PPFIBP1: variants seen among roughly 807,000 people sequenced by gnomAD.
PPFIBP1 encodes PPFIB scaffold protein 1.
PPFIBP1 carries 112 observed loss-of-function variants against 137.8 expected under a neutral mutation model. That is an observed-to-expected ratio of 0.81 (90% CI 0.70 to 0.95). The LOEUF (loss-of-function observed/expected upper bound fraction) is 0.95, where lower values mean the gene tolerates loss of function less well. PPFIBP1 is among the 40% of genes least tolerant of loss of function. The pLI is 0.00. For missense variants in PPFIBP1, 1,083 were observed against 1,196.6 expected, an observed-to-expected ratio of 0.91 and a Z score of 1.40; for synonymous variants, 378 against 417.3, an observed-to-expected ratio of 0.91 and a Z score of 1.15.
Position 27,679,948 on chromosome 12 carries a change from A to G in PPFIBP1, c.1782A>G (p.Gln594=), listed in dbSNP as rs779754944. 2.4e-5 allele frequency: 38 copies of G among 1,614,036 alleles called. No individual in the cohort carries two copies. The highest frequency in any genetic ancestry group is 2.0e-4 in the East Asian group (9 of 44,902). ...TCTTCTTTAGACTTAGGAGAAGTCAATCAACTACATTCAACCCAGATGACA... is the reference window on the plus strand; with the variant it reads ...TCTTCTTTAGACTTAGGAGAAGTCAGTCAACTACATTCAACCCAGATGACA... ...MKLFGKLRRS[Q]STTFNPDDMS... is the part of the protein sequence containing the mutation. Residue 594 remains glutamine, a synonymous_variant, in exon 21 of 30, where the codon CAA becomes CAG. Transcript: ENST00000228425.
At chr12:27,572,557 A>G (rs1173243621) in intron 1 of PPFIBP1, among the ~76,000 whole-genome samples, 1 of 152,230 alleles carries the variant, frequency 6.6e-6, no homozygotes, top group African/African-American at 2.4e-5. Flanking sequence ...TTAATTTAAA[A>G]ACATGTGGGC....
intron 1 of PPFIBP1, among the ~76,000 whole-genome samples, chr12:27,561,097 CAT>C (rs747458069): frequency 1.8e-4 from 28 of 152,112 alleles, no homozygotes; most frequent in Non-Finnish European, 3.8e-4. Flanking sequence ...GTATACCTAA[CAT>C]AGTGGGGTAT....
intron 1 of PPFIBP1, among the ~76,000 whole-genome samples, chr12:27,544,422 A>G (rs1401749042): frequency 1.3e-5 from 2 of 152,274 alleles, no homozygotes; most frequent in African/African-American, 2.4e-5. Flanking sequence ...TCTTCCGTAC[A>G]GCAAAATAAA....
chr12:27,558,038 T>C (rs11049045), intron 1 of PPFIBP1, among the ~76,000 whole-genome samples: 55,846 of 152,030 alleles, frequency 0.37, 11,078 homozygotes, highest in African/African-American at 0.51. Context: ...AACATAGCCT[T>C]ATCGTACTCC....
intron 2 of PPFIBP1, among the ~76,000 whole-genome samples, chr12:27,595,241 C>T (rs956155452): frequency 1.2e-4 from 18 of 152,216 alleles, no homozygotes; most frequent in Admixed American, 5.9e-4. Flanking sequence ...TGCACACGCG[C>T]GCGCGCACAA....
At chr12:27,540,137 A>C (rs1282527457) in intron 1 of PPFIBP1, among the ~76,000 whole-genome samples, 1 of 150,986 alleles carries the variant, frequency 6.6e-6, no homozygotes, top group Non-Finnish European at 1.5e-5. Flanking sequence ...AGCTTACTGC[A>C]GCCTCAAAAT....
At chr12:27,670,791 A>T (rs5020613) in intron 13 of PPFIBP1, among the ~76,000 whole-genome samples, 135,724 of 138,674 alleles carry the variant, frequency 0.98, 66,417 homozygotes, top group East Asian at 1. Flanking sequence ...AAAAAAAAAA[A>T]AAAAATAATA....
intron 2 of PPFIBP1, among the ~76,000 whole-genome samples, chr12:27,599,087 A>C (rs1012994971): frequency 3.3e-5 from 5 of 152,206 alleles, no homozygotes; most frequent in African/African-American, 4.8e-5. Context: ...GGAAGTTTCT[A>C]ATTTGGAAGT....
intron 1 of PPFIBP1, among the ~76,000 whole-genome samples, chr12:27,536,238 T>C (rs1413030697): frequency 1.3e-5 from 2 of 152,152 alleles, no homozygotes; most frequent in African/African-American, 2.4e-5. Flanking sequence ...ACTGTGTGAA[T>C]AGAGAGGCCA....
intron 2 of PPFIBP1, among the ~76,000 whole-genome samples, chr12:27,585,857 G>A (rs1250724862): frequency 1.3e-5 from 2 of 152,176 alleles, no homozygotes; most frequent in African/African-American, 2.4e-5. Context: ...AAGCATTGGA[G>A]CACGAAGGTA....
Position 27,633,369 on chromosome 12 carries a change from T to C in PPFIBP1, c.-28T>C. 6.2e-7 allele frequency: 1 copy of C among 1,611,134 alleles called. No individual in the cohort carries two copies. The highest frequency in any genetic ancestry group is 8.5e-7 in the Non-Finnish European group (1 of 1,177,580). On this transcript the variant is annotated 5_prime_UTR_variant, in exon 3 of 30. Coordinates refer to ENST00000228425, the MANE Select transcript of PPFIBP1 (RefSeq NM_003622.4). ...AACCTTATTTTTTTTCAGATCTGGG[T>C]TGGAATTTGCCCCTGACAAATAATA...
intron 2 of PPFIBP1, among the ~76,000 whole-genome samples, chr12:27,587,242 G>C (rs2051875220): frequency 6.6e-6 from 1 of 152,140 alleles, no homozygotes; most frequent in Admixed American, 6.6e-5. Flanking sequence ...GAATTGTCCA[G>C]TTTACATCAC....
At chr12:27,689,812 C>T (rs928304727) in intron 27 of PPFIBP1, among the ~76,000 whole-genome samples, 22 of 152,246 alleles carry the variant, frequency 1.4e-4, no homozygotes, top group African/African-American at 3.6e-4. Flanking sequence ...TCCCGCCGCC[C>T]CAGGAAGGTT....
rs2053557479 is a variant in PPFIBP1 at position 27,598,321 on chromosome 12, A to AAG, written c.-36+20091_-36+20092dup. ...AGTCACATCTTACATGGTGGCAGGCAAGAGAGAGAGCATGTGCAGGGGAAC... is the reference window on the plus strand; with the variant it reads ...AGTCACATCTTACATGGTGGCAGGCAAGAGAGAGAGAGCATGTGCAGGGGAAC... On this transcript the variant is annotated intron_variant, in intron 2 of 29. Transcript: ENST00000228425. Among the ~76,000 whole-genome samples, 6 of 152,288 alleles carry AAG rather than the reference A, an allele frequency of 3.9e-5. No individual in the cohort carries two copies. The South Asian group carries it at 1.2e-3, about 32-fold the overall frequency.
chr12:27,654,881 A>G (rs1414077580), intron 8 of PPFIBP1, 67 bp downstream of exon 8: 1 of 1,510,598 alleles, frequency 6.6e-7, no homozygotes, highest in Non-Finnish European at 8.8e-7. Flanking sequence ...GCCCAATAAT[A>G]TAAATAAGAT....
intron 12 of PPFIBP1, 122 bp downstream of exon 12, chr12:27,664,568 G>A (rs757770708): frequency 7.8e-5 from 52 of 666,498 alleles, no homozygotes; most frequent in Non-Finnish European, 1.1e-4. Context: ...TAGCTAATTC[G>A]TTAATTGAAC....
At position 27,633,810 on chromosome 12, in the gene PPFIBP1, C is replaced by G. The variant is rs560830015; in HGVS notation, c.64+350C>G. On this transcript the variant is annotated intron_variant, in intron 3 of 29. Transcript: ENST00000228425. ...GATCTGTTTTCTTGAATTCAAAATT[C>G]ACTTTCCACCAATGACTCCCGTATC... Among the ~76,000 whole-genome samples the G allele has an allele frequency of 1.7e-4, 22 of 132,326 alleles. No individual in the cohort carries two copies. In the South Asian group the frequency reaches 5.1e-3, roughly 31 times the overall value. The allele number at this position is 132,326 out of a possible 152,430, so 86.8% of individuals were successfully genotyped here. A position where few individuals can be genotyped will look rare whatever the true frequency, so the allele number is the denominator to read the frequency against.
intron 2 of PPFIBP1, among the ~76,000 whole-genome samples, chr12:27,579,869 T>G (rs905564308): frequency 6.6e-6 from 1 of 152,156 alleles, no homozygotes; most frequent in Non-Finnish European, 1.5e-5. Context: ...GATGAAGATG[T>G]TTTTGTAGAT....
chr12:27,629,587 T>C (rs1366234812), intron 2 of PPFIBP1, among the ~76,000 whole-genome samples: 4 of 152,186 alleles, frequency 2.6e-5, no homozygotes, highest in Admixed American at 2.0e-4. Context: ...AATATTCCAT[T>C]GTATTAGAAT....
Sources: gnomAD v4.1 joint callset for allele counts (sites outside exome capture counted in the v4.1 genomes callset) on GRCh38, gnomAD v4.1.1 for gene constraint, MANE v1.5 for transcripts, NCBI Gene and HGNC (gene_info 2026-07-23, HGNC 2026-07-21) for gene names.